INTS11: variants seen among roughly 807,000 people sequenced by gnomAD.
INTS11 encodes the protein CPSF3-like protein.
In INTS11, 77 loss-of-function variants were observed where a neutral mutation model predicts 78.6. The ratio of observed to expected loss-of-function variants is 0.98; its 90% CI spans 0.81 to 1.18. The LOEUF is 1.18. Ranked by LOEUF, INTS11 falls within the 50% of genes most tolerant of loss-of-function variation. The pLI, the probability that INTS11 is intolerant of heterozygous loss-of-function variation, is 0.00. For missense variants in INTS11, 875 were observed against 825.9 expected (o/e 1.06, Z -0.73); for synonymous variants, 441 against 326.9 (o/e 1.35, Z -3.77).
At chr1:1,316,556 A>C (rs982310911) in intron 4 of INTS11, 2 of 152,306 alleles carry the variant, frequency 1.3e-5, no homozygotes, top group African/African-American at 4.8e-5. Flanking sequence ...ATTGCACTCC[A>C]GCCTGGGCAA....
At position 1,312,213 on chromosome 1, in the gene INTS11, G is replaced by GGGGGGCCCCGCCCCCCCCCCC; in HGVS notation, c.1607+12_1607+13insGGGGGGGGGGGCGGGGCCCCC. ...CCCAAGGGAGTGGGGGGGGGGCGGGGCCGGGCGCCCACCTCTTGAGGTGGC... is the reference window on the plus strand; with the variant it reads ...CCCAAGGGAGTGGGGGGGGGGCGGGGGGGGGCCCCGCCCCCCCCCCCCCGGGCGCCCACCTCTTGAGGTGGC... On this transcript the variant is annotated intron_variant, in intron 15 of 16. Coordinates refer to ENST00000435064, the MANE Select transcript of INTS11 (RefSeq NM_017871.6). 1.1e-6 allele frequency: 1 copy of GGGGGGCCCCGCCCCCCCCCCC among 934,622 alleles called. No homozygotes were observed. The highest frequency in any genetic ancestry group is 2.4e-5 in the Admixed American group (1 of 41,576). 57.9% of individuals were successfully genotyped at this position (934,622 alleles called of 1,614,324 possible).
At position 1,322,030 on chromosome 1, in the gene INTS11, GC is replaced by G; in HGVS notation, c.29-938del. The stretch of plus-strand genomic sequence containing the variant: ...CAGGTTCTCTTCCAGGCCTGTTCCT[GC>G]CCCCGCTGGGTGTGAGCTCTCTGAG... On this transcript the variant is annotated intron_variant, in intron 1 of 16. Transcript: ENST00000435064. The G allele has an allele frequency of 4.0e-6, 5 of 1,236,636 alleles. No homozygotes were observed. The South Asian group carries it at 6.9e-5, about 17-fold the overall frequency. The allele number at this position is 1,236,636 out of a possible 1,614,324, so 76.6% of individuals were successfully genotyped here.
Position 1,312,617 on chromosome 1 carries a change from G to A in INTS11, c.1378C>T (p.Leu460=), listed in dbSNP as rs34577759. The change falls in exon 13 of 17, where the codon CTG becomes TTG. Residue 460 remains leucine (L), a synonymous_variant. Transcript: ENST00000435064. ...CCCTGCGCCATCTCCCGCTTCAGCA[G>A]CCCCAGCGAGATGCCTACGGGGATG... ...PSIPVGISLG[L]LKREMAQGLL... 1.1e-4 allele frequency: 168 copies of A among 1,580,154 alleles called. No homozygotes were observed. In the African/African-American group the frequency reaches 2.0e-3, roughly 19 times the overall value.
In INTS11 at chr1:1,324,406, G is replaced by A. The variant is rs551673897; in HGVS notation, c.28+175C>T. Among the ~76,000 whole-genome samples the A allele has an allele frequency of 4.0e-3, 611 of 152,262 alleles. 4 individuals carry two copies. The highest frequency in any genetic ancestry group is 0.014 in the African/African-American group (596 of 41,550). ...TCTCGCGTCACTGCCGGAGGCCCGGGGTGCAGGGACTAGGCCGCCTCTCGG... is the reference window on the plus strand; with the variant it reads ...TCTCGCGTCACTGCCGGAGGCCCGGAGTGCAGGGACTAGGCCGCCTCTCGG... On this transcript the variant is annotated intron_variant, in intron 1 of 16. Coordinates refer to ENST00000435064, the MANE Select transcript of INTS11 (RefSeq NM_017871.6).
Position 1,323,576 on chromosome 1 carries a change from A to T in INTS11, c.28+1005T>A, listed in dbSNP as rs549906369. ...CACACCACCACGCCCTGCCAATTTTAGCATTTTTTTTTTTTGGAGTGATGG... is the reference window on the plus strand; with the variant it reads ...CACACCACCACGCCCTGCCAATTTTTGCATTTTTTTTTTTTGGAGTGATGG... On this transcript the variant is annotated intron_variant, in intron 1 of 16. Transcript: ENST00000435064. Among the ~76,000 whole-genome samples the T allele has an allele frequency of 1.2e-3, 172 of 148,410 alleles. 1 individual carries two copies. Among genetic ancestry groups the T allele is most frequent in the African/African-American group, 3.9e-3 (156 of 39,828 alleles).
Position 1,311,873 on chromosome 1 carries a change from G to C in INTS11, c.1789C>G (p.Gln597Glu), listed in dbSNP as rs769336712. 1.9e-6 allele frequency: 3 copies of C among 1,561,740 alleles called. No individual in the cohort carries two copies. The highest frequency in any genetic ancestry group is 2.6e-6 in the Non-Finnish European group (3 of 1,153,670). The change falls in exon 17 of 17, where the codon CAG (glutamine) becomes GAG (glutamate). Residue 597 changes from glutamine (Q) to glutamate (E), a missense_variant. By Grantham distance (29) the Gln-to-Glu change is conservative. Transcript: ENST00000435064. ...AGTTGCCGGCCTCAGCTGGGGGCCT[G>C]GGGGAGGCCCTTCTTCAGCAGAGAT... is the stretch of plus-strand genomic sequence containing the variant. ...LTSLLKKGLP[Q>E]APS
At position 1,313,776 on chromosome 1, in the gene INTS11, T is replaced by C. The variant is rs1390890458; in HGVS notation, c.913A>G (p.Ile305Val). Residue 305 changes from isoleucine (I) to valine (V), a missense_variant, in exon 9 of 17, where the codon ATC becomes GTC. Coordinates refer to ENST00000435064, the MANE Select transcript of INTS11 (RefSeq NM_017871.6). ...VQRNMFEFKH[I>V]KAFDRAFADN... ...GCAAAAGCCCGGTCGAAGGCCTTGA[T>C]GTGCTTGAACTCAAACATGTTCCTC... is the stretch of plus-strand genomic sequence containing the variant. 15 of 1,613,386 alleles carry C rather than the reference T, an allele frequency of 9.3e-6. No homozygotes were observed. The highest frequency in any genetic ancestry group is 1.7e-5 in the Admixed American group (1 of 60,024).
rs528222191 is a variant in INTS11, at chr1:1,314,615, C to G, written c.702+209G>C. ...GAAGGAGCCTGGCCAGGGCTTCGTCCGCACCTGAGGTAGGAGGGAAAAGGG... is the reference window on the plus strand; with the variant it reads ...GAAGGAGCCTGGCCAGGGCTTCGTCGGCACCTGAGGTAGGAGGGAAAAGGG... On this transcript the variant is annotated intron_variant, in intron 7 of 16. Coordinates refer to ENST00000435064, the MANE Select transcript of INTS11 (RefSeq NM_017871.6). This position sits in a 1 kb window ranked among gnomAD's most constrained non-coding sequence, Gnocchi z 4.2. 4 of 680,080 alleles carry G rather than the reference C, an allele frequency of 5.9e-6. No homozygotes were observed. The highest frequency in any genetic ancestry group is 5.9e-5 in the Admixed American group (2 of 33,760). 42.1% of individuals were successfully genotyped at this position (680,080 alleles called of 1,614,324 possible). A position where few individuals can be genotyped will look rare whatever the true frequency, so the allele number is the denominator to read the frequency against.
At position 1,311,663 on chromosome 1, in the gene INTS11, G is replaced by A. The variant is rs1344926503; in HGVS notation, c.*196C>T. ...CCACCTGCCCTAACCAGGAATAAAG[G>A]CAAGACAGCCTGGAGACCAGTTTGT... On this transcript the variant is annotated 3_prime_UTR_variant, in exon 17 of 17. Transcript: ENST00000435064. The A allele has an allele frequency of 5.6e-6, 4 of 719,752 alleles. No homozygotes were observed. The highest frequency in any genetic ancestry group is 3.5e-5 in the African/African-American group (2 of 57,440). The allele number at this position is 719,752 out of a possible 1,614,324, so 44.6% of individuals were successfully genotyped here. A position where few individuals can be genotyped will look rare whatever the true frequency, so the allele number is the denominator to read the frequency against.
Position 1,312,213 on chromosome 1 carries a change from G to GGGGGGGGGGGGCCCCCCCCCCCCCCC in INTS11, c.1607+12_1607+13insGGGGGGGGGGGGGGGCCCCCCCCCCC. On this transcript the variant is annotated intron_variant, in intron 15 of 16. Transcript: ENST00000435064. The stretch of plus-strand genomic sequence containing the variant: ...CCCAAGGGAGTGGGGGGGGGGCGGG[G>GGGGGGGGGGGGCCCCCCCCCCCCCCC]CCGGGCGCCCACCTCTTGAGGTGGC... 3.2e-6 allele frequency: 3 copies of GGGGGGGGGGGGCCCCCCCCCCCCCCC among 934,602 alleles called. No homozygotes were observed. The highest frequency in any genetic ancestry group is 4.7e-6 in the Non-Finnish European group (3 of 636,654). 57.9% of individuals were successfully genotyped at this position (934,602 alleles called of 1,614,324 possible).
intron 3 of INTS11, chr1:1,319,761 C>T: frequency 3.6e-6 from 2 of 548,872 alleles, no homozygotes; most frequent in Non-Finnish European, 6.5e-6. Flanking sequence ...GCGACATGCT[C>T]GCGAGACAAT....
chr1:1,316,444 C>G (rs1022474499), intron 4 of INTS11: 1 of 152,162 alleles, frequency 6.6e-6, no homozygotes, highest in Non-Finnish European at 1.5e-5. Context: ...CAAAAGTTAG[C>G]TGGGCATGGT....
intron 1 of INTS11, among the ~76,000 whole-genome samples, chr1:1,322,345 G>A (rs932824691): frequency 1.3e-5 from 2 of 151,252 alleles, no homozygotes; most frequent in African/African-American, 2.4e-5. Flanking sequence ...GGAGATACAC[G>A]AGGGGACAGG....
intron 4 of INTS11, 190 bp downstream of exon 4, chr1:1,319,106 C>T (rs770686721): frequency 6.6e-6 from 5 of 762,932 alleles, no homozygotes; most frequent in Non-Finnish European, 9.7e-6. Context: ...GGTCGGCGCC[C>T]AGTCTGGTCT....
intron 6 of INTS11, chr1:1,315,199 G>T: frequency 1.4e-6 from 1 of 733,988 alleles, no homozygotes; most frequent in Non-Finnish European, 2.2e-6. Context: ...AGAGACTTGG[G>T]AAGAGAGAGA....
chr1:1,319,626 G>A (rs1307831780), intron 3 of INTS11, 102 bp from the exon 4 acceptor site: 10 of 752,148 alleles, frequency 1.3e-5, no homozygotes, highest in South Asian at 5.4e-5. Flanking sequence ...CCTGCTGTGC[G>A]CCAGGCCTCA....
chr1:1,312,395 C>T (rs761895046), intron 14 of INTS11, 27 bp from the exon 15 acceptor site: 72 of 1,565,222 alleles, frequency 4.6e-5, no homozygotes, highest in South Asian at 1.6e-4. Context: ...GGTCAGTGAG[C>T]GCAGCAGCGG....
rs376879612 is a variant in INTS11 at position 1,313,026 on chromosome 1, G to A, written c.1131+9C>T. The A allele has an allele frequency of 4.7e-5, 75 of 1,611,106 alleles. No homozygotes were observed. Among genetic ancestry groups the A allele is most frequent in the Middle Eastern group, 3.3e-4 (2 of 6,084 alleles). ...GGCCCTGCCAGCCCAGTGCGGGGTCGAGACTCACCACCTGCCGCCCCTCCA... is the reference window on the plus strand; with the variant it reads ...GGCCCTGCCAGCCCAGTGCGGGGTCAAGACTCACCACCTGCCGCCCCTCCA... On this transcript the variant is annotated intron_variant, in intron 11 of 16. Coordinates refer to ENST00000435064, the MANE Select transcript of INTS11 (RefSeq NM_017871.6).
At chr1:1,318,793 G>A (rs779409732) in intron 4 of INTS11, 4 of 563,080 alleles carry the variant, frequency 7.1e-6, no homozygotes, top group Non-Finnish European at 1.3e-5. Flanking sequence ...AGAGATTCGA[G>A]TGAGACACAG....
Sources: gnomAD v4.1 joint callset for allele counts (sites outside exome capture counted in the v4.1 genomes callset) on GRCh38, gnomAD v4.1.1 for gene constraint, Gnocchi (gnomAD v3.1) non-coding constraint, MANE v1.5 for transcripts, NCBI Gene and HGNC (gene_info 2026-07-23, HGNC 2026-07-21) for gene names.